Variants in TAF1C observed in about 807,000 individuals in gnomAD.
TAF1C encodes the protein TATA-box binding protein associated factor, RNA polymerase I subunit C.
A neutral mutation model predicts 70.5 loss-of-function variants in TAF1C; 79 were observed. The ratio of observed to expected loss-of-function variants is 1.12; its 90% CI spans 0.93 to 1.35. The LOEUF is 1.35. TAF1C is among the 40% of genes most tolerant of loss of function. The pLI is 0.00. For synonymous variants in TAF1C, 614 were observed against 491.1 expected (o/e 1.25, Z -3.31); for missense variants, 1,412 against 1,127.8 (o/e 1.25, Z -3.61).
At position 84,183,249 on chromosome 16, in the gene TAF1C, C is replaced by G. The variant is rs753421384; in HGVS notation, c.403G>C (p.Ala135Pro). ...LMLENFKLEG[A>P]GSRTKKKTVV... ...TGGAGTCACGGGCCACTCACCCCCG[C>G]TCCCTCCAGCTTGAAATTCTCCAGC... is the stretch of plus-strand genomic sequence containing the variant. The change falls in exon 5 of 15, where the codon GCG becomes CCG. Residue 135 changes from alanine to proline, a missense_variant. Coordinates refer to ENST00000566732, the MANE Select transcript of TAF1C (RefSeq NM_001243156.2). 6.2e-7 allele frequency: 1 copy of G among 1,614,048 alleles called. No individual in the cohort carries two copies. The highest frequency in any genetic ancestry group is 2.2e-5 in the East Asian group (1 of 44,870).
Position 84,180,170 on chromosome 16 carries a change from C to A in TAF1C, c.1483G>T (p.Gly495Ter). The A allele has an allele frequency of 6.4e-7, 1 of 1,554,516 alleles. No homozygotes were observed. The change falls in exon 13 of 15, where the codon GGA (glycine) becomes TGA (stop). Residue 495 changes from glycine (G) to a stop codon, truncating the protein, a stop_gained and splice_region_variant. Transcript: ENST00000566732. LOFTEE classifies it high-confidence loss of function. ...GGQLQLLHLA[G>*]EGASVPRLAG... ...CGCCCACCCTGGCCTGGACCCTCAC[C>A]TGCCAGGTGCAGCAGCTGCAGCTGC...
chr16:84,181,527 C>T (rs4150149), intron 10 of TAF1C, 64 bp from the exon 11 acceptor site: 566,826 of 1,613,072 alleles, frequency 0.35, 103,245 homozygotes, highest in Admixed American at 0.46. Flanking sequence ...TCAAGGGTCG[C>T]GACATGCTCA....
In TAF1C at chr16:84,183,707, A is replaced by G. The variant is rs2089334019; in HGVS notation, c.210T>C (p.Pro70=). Residue 70 remains proline, a synonymous_variant, in exon 3 of 15, where the codon CCT becomes CCC. Transcript: ENST00000566732. ...GAATGAGACCCTTACCGATGAGGGG[A>G]GGCAGCATGGGGAGAGGCCCAGGGG... ...PATPGPLPML[P]PLIDPWDPGL... The G allele has an allele frequency of 6.2e-7, 1 of 1,611,938 alleles. No homozygotes were observed. The highest frequency in any genetic ancestry group is 1.3e-5 in the African/African-American group (1 of 74,860).
chr16:84,185,027 A>G lies in TAF1C; in HGVS notation c.-39T>C, dbSNP rs1208293268. The G allele has an allele frequency of 6.3e-7, 1 of 1,597,858 alleles. No individual in the cohort carries two copies. Among genetic ancestry groups the G allele is most frequent in the South Asian group, 1.1e-5 (1 of 89,128 alleles). ...ACCAAGCACCACACTGGCCACCTCG[A>G]GAGACTGGAAGCTGGTAAGGGGCGC... On this transcript the variant is annotated 5_prime_UTR_variant, in exon 2 of 15. Coordinates refer to ENST00000566732, the MANE Select transcript of TAF1C (RefSeq NM_001243156.2).
rs1567600213 is a variant in TAF1C, at chr16:84,184,853, C to G, written c.136G>C (p.Glu46Gln). 2.5e-6 allele frequency: 4 copies of G among 1,603,652 alleles called. No homozygotes were observed. The highest frequency in any genetic ancestry group is 8.5e-7 in the Non-Finnish European group (1 of 1,175,354). ...GGGCCCCCTGCCTGCATCCTCACCTCTGAGTTCTGGGGCTGGGCCTCTGGC... is the reference window on the plus strand; with the variant it reads ...GGGCCCCCTGCCTGCATCCTCACCTGTGAGTTCTGGGGCTGGGCCTCTGGC... The part of the protein sequence containing the change: ...TLPEAQPQNS[E>Q]NGALHVTKDL... Residue 46 changes from glutamate to glutamine, a missense_variant and splice_region_variant, in exon 2 of 15, where the codon GAG becomes CAG. By Grantham distance (29) the Glu-to-Gln change is conservative (BLOSUM62 2). Transcript: ENST00000566732.
chr16:84,186,396 A>G (rs1418534211), intron 1 of TAF1C, among the ~76,000 whole-genome samples: 1 of 152,184 alleles, frequency 6.6e-6, no homozygotes, highest in African/African-American at 2.4e-5. Flanking sequence ...AATACTAAAA[A>G]TACAAAAATT....
In TAF1C at chr16:84,182,150, C is replaced by T. The variant is rs374028360; in HGVS notation, c.721+52G>A. On this transcript the variant is annotated intron_variant, in intron 7 of 14. Transcript: ENST00000566732. The surrounding 1 kb of genome is among the most constrained non-coding windows in gnomAD (Gnocchi z 5.0). ...TCTCTGGACCATGCCAAGAGCACCT[C>T]CTCTACCAGAGGCGAGCCCGCTGGA... 6.9e-5 allele frequency: 110 copies of T among 1,591,570 alleles called. No homozygotes were observed. The African/African-American group carries it at 1.2e-3, about 18-fold the overall frequency.
intron 12 of TAF1C, 132 bp downstream of exon 12, chr16:84,180,911 G>C: frequency 6.9e-7 from 1 of 1,441,266 alleles, no homozygotes; most frequent in Non-Finnish European, 9.1e-7. Flanking sequence ...TTGGGCCACA[G>C]ATTCATCCAG....
At chr16:84,179,890 G>T in intron 14 of TAF1C, 39 bp from the exon 15 acceptor site, 28 of 1,609,314 alleles carry the variant, frequency 1.7e-5, no homozygotes, top group Non-Finnish European at 2.3e-5. Flanking sequence ...GGGCCTAGCG[G>T]GGGGAGGGGA....
At chr16:84,181,552 A>G (rs764636073) in intron 10 of TAF1C, 40 bp downstream of exon 10, 2 of 1,613,828 alleles carry the variant, frequency 1.2e-6, no homozygotes, top group Non-Finnish European at 1.7e-6. Context: ...GGCGGAGTTC[A>G]GTTCGTTAGG....
In TAF1C at chr16:84,180,359, G is replaced by A. The variant is rs2278043; in HGVS notation, c.1309-15C>T. ...TAGAGAGAGAACTGGGGCCCGAGAAGGAAGGGGGATGTGGCCGAACTTGGG... is the reference window on the plus strand; with the variant it reads ...TAGAGAGAGAACTGGGGCCCGAGAAAGAAGGGGGATGTGGCCGAACTTGGG... On this transcript the variant is annotated splice_polypyrimidine_tract_variant and intron_variant, in intron 12 of 14. Coordinates refer to ENST00000566732, the MANE Select transcript of TAF1C (RefSeq NM_001243156.2). 692,700 of 1,531,986 alleles carry A rather than the reference G, an allele frequency of 0.45. 157,531 individuals carry two copies. Among genetic ancestry groups the A allele is most frequent in the East Asian group, 0.55 (22,302 of 40,758 alleles). 94.9% of individuals were successfully genotyped at this position (1,531,986 alleles called of 1,614,324 possible).
chr16:84,179,463 G>A lies in TAF1C; in HGVS notation c.2010C>T (p.Asp670=), dbSNP rs760963248. The change falls in exon 15 of 15, where the codon GAC becomes GAT. Residue 670 remains aspartate (D), a synonymous_variant. Coordinates refer to ENST00000566732, the MANE Select transcript of TAF1C (RefSeq NM_001243156.2). ...GCTCTGCCGCAGGGAGGGAGCCCAGGTCTCTCTGCAGCAGGAGCTGCCCTC... is the reference window on the plus strand; with the variant it reads ...GCTCTGCCGCAGGGAGGGAGCCCAGATCTCTCTGCAGCAGGAGCTGCCCTC... The part of the protein sequence containing the change: ...MARGQLLLQR[D]LGSLPAAEPP... The A allele has an allele frequency of 1.3e-6, 2 of 1,597,972 alleles. No individual in the cohort carries two copies. Among genetic ancestry groups the A allele is most frequent in the Non-Finnish European group, 1.7e-6 (2 of 1,176,710 alleles).
chr16:84,184,966 C>A lies in TAF1C; in HGVS notation c.23G>T (p.Arg8Leu). MDFPSSL[R>L]PALFLTGPLG... ...GGGGCCGGTCAGAAACAATGCAGGG[C>A]GGAGGGAGCTGGGGAAGTCCATCCT... Residue 8 changes from arginine (R) to leucine (L), a missense_variant, in exon 2 of 15, where the codon CGC becomes CTC. Transcript: ENST00000566732. 6.2e-7 allele frequency: 1 copy of A among 1,613,576 alleles called. No individual in the cohort carries two copies. Among genetic ancestry groups the A allele is most frequent in the East Asian group, 2.2e-5 (1 of 44,860 alleles).
intron 2 of TAF1C, among the ~76,000 whole-genome samples, chr16:84,184,263 C>G (rs1294374483): frequency 6.6e-6 from 1 of 152,212 alleles, no homozygotes; most frequent in Non-Finnish European, 1.5e-5. Flanking sequence ...ACGCCAGACC[C>G]TCCCTCGTAA....
chr16:84,181,609 C>T lies in TAF1C; in HGVS notation c.1011G>A (p.Leu337=), dbSNP rs559404755. The change falls in exon 10 of 15, where the codon CTG becomes CTA. Residue 337 remains leucine, a synonymous_variant. Transcript: ENST00000566732. ...GGCGATACCCATCCTCAGGGCTCCA[C>T]AGGCAGACGGCTCCCGAGCGGCTGC... ...AICSRSGAVC[L]WSPEDGLRQI... 4 of 1,613,904 alleles carry T rather than the reference C, an allele frequency of 2.5e-6. No individual in the cohort carries two copies. Among genetic ancestry groups the T allele is most frequent in the Admixed American group, 1.7e-5 (1 of 60,014 alleles).
Position 84,186,851 on chromosome 16 carries a change from C to G in TAF1C, c.-73+50G>C, listed in dbSNP as rs190178603. 2.6e-5 allele frequency: 4 copies of G among 152,392 alleles called. No individual in the cohort carries two copies. The East Asian group carries it at 7.7e-4, about 29-fold the overall frequency. The allele number at this position is 152,392 out of a possible 1,614,324, so 9.4% of individuals were successfully genotyped here. A position where few individuals can be genotyped will look rare whatever the true frequency, so the allele number is the denominator to read the frequency against. On this transcript the variant is annotated intron_variant, in intron 1 of 14. Transcript: ENST00000566732. ...CTCCCCTCCTACATCTGCGGGTCCG[C>G]TCCTCGAACACGCGCAGTCCGCGCG...
intron 3 of TAF1C, 29 bp downstream of exon 3, chr16:84,183,668 G>A (rs4150136): frequency 1.9e-6 from 3 of 1,598,488 alleles, no homozygotes; most frequent in Non-Finnish European, 2.6e-6. Context: ...GAGCAGTGTG[G>A]AGTGAGCCCG....
At chr16:84,185,469 C>G (rs1383048436) in intron 1 of TAF1C, 2 of 153,676 alleles carry the variant, frequency 1.3e-5, no homozygotes, top group East Asian at 1.9e-4. Flanking sequence ...TCGTAAGTAC[C>G]GTCATCATAC....
chr16:84,180,573 A>G (rs1028203449), intron 12 of TAF1C: 6 of 596,006 alleles, frequency 1.0e-5, no homozygotes, highest in Non-Finnish European at 1.7e-5. Context: ...CAAGTGGGAA[A>G]GGGGTGCTCA....
Sources: gnomAD v4.1 joint callset for allele counts (sites outside exome capture counted in the v4.1 genomes callset) on GRCh38, gnomAD v4.1.1 for gene constraint, Gnocchi (gnomAD v3.1) non-coding constraint, MANE v1.5 for transcripts, NCBI Gene and HGNC (gene_info 2026-07-23, HGNC 2026-07-21) for gene names.